The following GNAQ variants were observed in gnomAD, a reference collection of about 807,000 sequenced individuals.
GNAQ encodes G protein subunit alpha q.
In GNAQ, 8 loss-of-function variants were observed where a neutral mutation model predicts 43.9. The observed-to-expected ratio is 0.18, with a 90% CI of 0.11 to 0.33. GNAQ has a LOEUF of 0.33. Ranked by LOEUF, GNAQ falls within the 10% of genes least tolerant of loss-of-function variation. The pLI is 1.00. For missense variants in GNAQ, 158 were observed against 450.8 expected (o/e 0.35, Z 5.88); for synonymous variants, 155 against 170.7 (o/e 0.91, Z 0.71).
chr9:77,941,437 G>T (rs1336177895), intron 1 of GNAQ, among the ~76,000 whole-genome samples: 1 of 152,104 alleles, frequency 6.6e-6, no homozygotes, highest in Non-Finnish European at 1.5e-5. Flanking sequence ...TTTTAGTAGA[G>T]ACGGGGTTTC....
At chr9:78,008,929 T>G (rs1017425983) in intron 1 of GNAQ, among the ~76,000 whole-genome samples, 1 of 152,236 alleles carries the variant, frequency 6.6e-6, no homozygotes, top group Non-Finnish European at 1.5e-5. Context: ...CTATCGAATT[T>G]CTTAAAGAAG....
intron 2 of GNAQ, among the ~76,000 whole-genome samples, chr9:77,870,391 C>T (rs1333470450): frequency 7.1e-6 from 1 of 140,328 alleles, no homozygotes; most frequent in Admixed American, 7.7e-5. Context: ...AGTGCAGTGG[C>T]GCGATCTCAG....
At chr9:77,904,879 C>T (rs1402595580) in intron 2 of GNAQ, among the ~76,000 whole-genome samples, 4 of 151,316 alleles carry the variant, frequency 2.6e-5, no homozygotes, top group South Asian at 2.1e-4. Flanking sequence ...AGGAGACACA[C>T]GAAGAAACAC....
At chr9:77,891,057 T>C (rs1828397582) in intron 2 of GNAQ, among the ~76,000 whole-genome samples, 2 of 152,246 alleles carry the variant, frequency 1.3e-5, no homozygotes, top group South Asian at 4.1e-4. Context: ...TTATGTATCC[T>C]TGTTTCAGGG....
At chr9:77,791,401 T>C (rs1230509706) in intron 5 of GNAQ, among the ~76,000 whole-genome samples, 1 of 152,158 alleles carries the variant, frequency 6.6e-6, no homozygotes, top group African/African-American at 2.4e-5. Context: ...AACATACCCA[T>C]GAAAGGATTA....
At chr9:77,961,296 C>T (rs912408080) in intron 1 of GNAQ, among the ~76,000 whole-genome samples, 2 of 152,126 alleles carry the variant, frequency 1.3e-5, no homozygotes, top group African/African-American at 4.8e-5. Context: ...AGTTTCCACA[C>T]AACAACATGG....
intron 5 of GNAQ, among the ~76,000 whole-genome samples, chr9:77,787,421 C>T (rs1826498370): frequency 6.6e-6 from 1 of 152,086 alleles, no homozygotes; most frequent in Non-Finnish European, 1.5e-5. Context: ...TTTTTGTGTA[C>T]TCTTCTTTAT....
intron 5 of GNAQ, among the ~76,000 whole-genome samples, chr9:77,752,551 G>A (rs368938030): frequency 2.0e-5 from 3 of 152,206 alleles, no homozygotes; most frequent in East Asian, 3.9e-4. Context: ...CAGAGGTTAA[G>A]TAACTTGCTC....
chr9:77,780,852 C>T (rs1203485046), intron 5 of GNAQ, among the ~76,000 whole-genome samples: 2 of 151,718 alleles, frequency 1.3e-5, no homozygotes, highest in African/African-American at 2.4e-5. Flanking sequence ...TTGCATTTGC[C>T]TGATGATTAG....
At chr9:77,743,658 T>A (rs1423311634) in intron 5 of GNAQ, among the ~76,000 whole-genome samples, 1 of 99,236 alleles carries the variant, frequency 1.0e-5, no homozygotes, top group Non-Finnish European at 2.9e-5. Context: ...CTGATCTTTT[T>A]TTTTTAAACT....
At chr9:77,905,644 G>C (rs1408844423) in intron 2 of GNAQ, among the ~76,000 whole-genome samples, 2 of 152,210 alleles carry the variant, frequency 1.3e-5, no homozygotes, top group Non-Finnish European at 2.9e-5. Context: ...TACACTTGGA[G>C]ATAATTCAAC....
chr9:77,764,558 C>G (rs185099595), intron 5 of GNAQ, among the ~76,000 whole-genome samples: 7 of 152,014 alleles, frequency 4.6e-5, no homozygotes, highest in Non-Finnish European at 1.0e-4. Flanking sequence ...CGGGTTCACG[C>G]TATTCTCCTG....
chr9:77,934,822 TAGTC>T (rs1587418698), intron 1 of GNAQ, among the ~76,000 whole-genome samples: 1 of 152,172 alleles, frequency 6.6e-6, no homozygotes. Flanking sequence ...TGGCATCTAA[TAGTC>T]AGTTAAAAGG....
At chr9:77,795,857 C>G (rs1001061482) in intron 4 of GNAQ, among the ~76,000 whole-genome samples, 1 of 152,184 alleles carries the variant, frequency 6.6e-6, no homozygotes. Context: ...TAAGTCATTA[C>G]TTTTACTGTA....
rs1207783647 is a variant in GNAQ at position 77,868,911 on chromosome 9, T to C, written c.322-53141A>G. On this transcript the variant is annotated intron_variant, in intron 2 of 6. Coordinates refer to ENST00000286548, the MANE Select transcript of GNAQ (RefSeq NM_002072.5). ...CTGAGGCAAGAGAATTGCTTGAACC[T>C]GGCAGACAGAAGTTGCAGTGAGCCG... Among the ~76,000 whole-genome samples the C allele has an allele frequency of 3.9e-5, 6 of 152,240 alleles. No homozygotes were observed. The East Asian group carries it at 1.2e-3, about 29-fold the overall frequency.
intron 1 of GNAQ, among the ~76,000 whole-genome samples, chr9:77,956,801 G>A (rs1451491709): frequency 1.3e-5 from 2 of 152,152 alleles, no homozygotes; most frequent in African/African-American, 2.4e-5. Flanking sequence ...TGTGCACTGC[G>A]GGGCTCCAGG....
chr9:77,989,793 G>A (rs1041414641), intron 1 of GNAQ, among the ~76,000 whole-genome samples: 2 of 152,286 alleles, frequency 1.3e-5, no homozygotes, highest in East Asian at 1.9e-4. Context: ...CTGAAACACC[G>A]TTTCATAGAT....
chr9:77,782,395 T>C (rs1314398947), intron 5 of GNAQ, among the ~76,000 whole-genome samples: 1 of 152,206 alleles, frequency 6.6e-6, no homozygotes, highest in Non-Finnish European at 1.5e-5. Context: ...TATAAAAAGA[T>C]GTTCTGTATC....
intron 1 of GNAQ, among the ~76,000 whole-genome samples, chr9:77,961,385 C>T (rs903296126): frequency 6.6e-6 from 1 of 152,036 alleles, no homozygotes; most frequent in Non-Finnish European, 1.5e-5. Flanking sequence ...GCTTAGAATC[C>T]TAGAATGTGC....
Sources: allele counts gnomAD v4.1 joint callset (sites outside exome capture counted in the v4.1 genomes callset), GRCh38; gene constraint gnomAD v4.1.1; transcripts MANE v1.5; gene names NCBI Gene and HGNC (gene_info 2026-07-23, HGNC 2026-07-21).